PDE4D: variants seen among roughly 807,000 people sequenced by gnomAD.
The protein encoded by PDE4D is 3',5'-cyclic-AMP phosphodiesterase 4D.
In PDE4D, 24 loss-of-function variants were observed where a neutral mutation model predicts 87.4. The observed-to-expected ratio is 0.27, with a 90% CI of 0.20 to 0.39. The LOEUF (loss-of-function observed/expected upper bound fraction) is 0.39. Among genes scored for constraint, PDE4D ranks in the 10% least tolerant of loss-of-function variants. PDE4D has a pLI of 1.00. For missense variants in PDE4D, 714 were observed against 1,041.0 expected (o/e 0.69, Z 4.32); for synonymous variants, 384 against 383.2 (o/e 1.00, Z -0.02).
chr5:59,276,207 C>T (rs556020998), intron 1 of PDE4D: 13 of 891,702 alleles, frequency 1.5e-5, no homozygotes, highest in Non-Finnish European at 1.6e-5. Context: ...AGGGGCGGAT[C>T]AGCTCCAGAG....
intron 1 of PDE4D, among the ~76,000 whole-genome samples, chr5:59,359,608 T>C (rs945548172): frequency 1.3e-5 from 2 of 152,070 alleles, no homozygotes; most frequent in Admixed American, 1.3e-4. Context: ...TTGGAAAAAA[T>C]AAGAAATTAA....
chr5:59,356,744 G>A, intron 1 of PDE4D: 1 of 1,565,684 alleles, frequency 6.4e-7, no homozygotes, highest in South Asian at 1.2e-5. Flanking sequence ...GCTACAAAAG[G>A]AAAAGAGTAA....
rs140450413 is a variant in PDE4D, at chr5:59,546,539, A to T, written c.456-330571T>A. ...GGATATATGACAGATGTATACAGAT[A>T]TATGATGGGTATGAATAGGATGAAT... On this transcript the variant is annotated intron_variant, in intron 1 of 14. Coordinates refer to ENST00000340635, the MANE Select transcript of PDE4D (RefSeq NM_001104631.2). 3.4e-3 allele frequency among the ~76,000 whole-genome samples: 518 copies of T among 152,304 alleles called. 3 individuals carry two copies. Among genetic ancestry groups the T allele is most frequent in the African/African-American group, 0.012 (485 of 41,578 alleles).
chr5:60,195,891 G>C (rs1741161363), intron 1 of PDE4D, among the ~76,000 whole-genome samples: 1 of 151,714 alleles, frequency 6.6e-6, no homozygotes, highest in Non-Finnish European at 1.5e-5. Context: ...TCCCCACGTA[G>C]AGGGAAAGGA....
chr5:59,200,075 G>GCA (rs376325356), intron 2 of PDE4D, among the ~76,000 whole-genome samples: 1,177 of 77,426 alleles, frequency 0.015, 10 homozygotes, highest in African/African-American at 0.046. Context: ...ACACACGTAT[G>GCA]CACACATACA....
At chr5:59,245,991 T>G (rs1490143698) in intron 1 of PDE4D, among the ~76,000 whole-genome samples, 1 of 150,714 alleles carries the variant, frequency 6.6e-6, no homozygotes, top group Non-Finnish European at 1.5e-5. Flanking sequence ...TGGTGTGTGA[T>G]GAAATATACA....
intron 1 of PDE4D, among the ~76,000 whole-genome samples, chr5:60,189,986 C>A (rs1191997142): frequency 3.3e-5 from 4 of 122,006 alleles, no homozygotes; most frequent in African/African-American, 1.5e-4. Context: ...TAAATGAAAC[C>A]AAACTTGGCA....
intron 1 of PDE4D, among the ~76,000 whole-genome samples, chr5:59,276,460 G>A (rs968749177): frequency 1.3e-5 from 2 of 152,146 alleles, no homozygotes; most frequent in Non-Finnish European, 2.9e-5. Flanking sequence ...CTCTTTAGAA[G>A]CAAAGTTGAG....
At chr5:59,575,322 G>T (rs980583794) in intron 1 of PDE4D, among the ~76,000 whole-genome samples, 4 of 152,060 alleles carry the variant, frequency 2.6e-5, no homozygotes, top group East Asian at 3.9e-4. Flanking sequence ...GCAGAAAGGG[G>T]CATAATCAAG....
At chr5:59,415,572 G>A (rs564666542) in intron 1 of PDE4D, among the ~76,000 whole-genome samples, 333 of 152,192 alleles carry the variant, frequency 2.2e-3, no homozygotes, top group African/African-American at 7.5e-3. Flanking sequence ...TACTATATTT[G>A]GAACAACTTG....
rs190400833 is a variant in PDE4D, at chr5:59,826,858, A to C, written c.455+66310T>G. ...GAATATACAATAAAGAAATTATTTG[A>C]ATAATCTGACTAATAGTATCTCTAA... is the stretch of plus-strand genomic sequence containing the variant. On this transcript the variant is annotated intron_variant, in intron 1 of 14. Transcript: ENST00000340635. Among the ~76,000 whole-genome samples the C allele has an allele frequency of 4.6e-5, 7 of 152,254 alleles. No individual in the cohort carries two copies. The East Asian group carries it at 1.4e-3, about 29-fold the overall frequency.
intron 2 of PDE4D, among the ~76,000 whole-genome samples, chr5:59,199,553 T>C (rs1231876432): frequency 1.3e-5 from 2 of 152,194 alleles, no homozygotes; most frequent in Non-Finnish European, 2.9e-5. Context: ...AAGATTTTGA[T>C]AATTTTGAAA....
chr5:59,829,484 A>C (rs1367071385), intron 1 of PDE4D, among the ~76,000 whole-genome samples: 1 of 151,992 alleles, frequency 6.6e-6, no homozygotes, highest in African/African-American at 2.4e-5. Context: ...GTTATAACAC[A>C]GCTGTTTTTC....
At chr5:59,745,303 T>C (rs981710393) in intron 1 of PDE4D, among the ~76,000 whole-genome samples, 2 of 152,100 alleles carry the variant, frequency 1.3e-5, no homozygotes, top group African/African-American at 2.4e-5. Flanking sequence ...CTAGTTATAA[T>C]TCTATGCTCC....
chr5:59,678,869 A>G (rs1748556618), intron 1 of PDE4D, among the ~76,000 whole-genome samples: 1 of 152,210 alleles, frequency 6.6e-6, no homozygotes, highest in South Asian at 2.1e-4. Flanking sequence ...ATAAATGTCT[A>G]CAAGAGGCAT....
chr5:60,149,961 A>G (rs996605170), intron 2 of PDE4D, among the ~76,000 whole-genome samples: 3 of 147,204 alleles, frequency 2.0e-5, no homozygotes, highest in African/African-American at 7.4e-5. Flanking sequence ...TATATATACT[A>G]GTATATATAA....
upstream of PDE4D, among the ~76,000 whole-genome samples, chr5:59,896,936 C>T (rs1218891771): frequency 6.6e-6 from 1 of 152,108 alleles, no homozygotes; most frequent in Non-Finnish European, 1.5e-5. Context: ...TCCATCTACC[C>T]ATTGGTTTTC....
At chr5:59,449,093 T>C (rs916750963) in intron 1 of PDE4D, among the ~76,000 whole-genome samples, 7 of 152,226 alleles carry the variant, frequency 4.6e-5, no homozygotes, top group African/African-American at 1.4e-4. Flanking sequence ...ATGCTTTTGA[T>C]GCATAAAAGC....
rs952095789 is a variant in PDE4D, at chr5:59,138,171, T to G, written c.808+42424A>C. On this transcript the variant is annotated intron_variant, in intron 5 of 14. Transcript: ENST00000340635. ...AGATTTGAGAATGGCATCAGAAGTA[T>G]AGCTGTTTAGTGCATGTGTTTCTCA... is the stretch of plus-strand genomic sequence containing the variant. Among the ~76,000 whole-genome samples the G allele has an allele frequency of 5.3e-5, 8 of 152,376 alleles. No homozygotes were observed. The East Asian group carries it at 1.2e-3, about 22-fold the overall frequency.
Sources: allele counts gnomAD v4.1 joint callset (sites outside exome capture counted in the v4.1 genomes callset), GRCh38; gene constraint gnomAD v4.1.1; transcripts MANE v1.5; gene names NCBI Gene and HGNC (gene_info 2026-07-23, HGNC 2026-07-21).